Variants in ABR observed in about 807,000 individuals in gnomAD.
ABR encodes the protein active breakpoint cluster region-related protein.
ABR carries 35 observed loss-of-function variants against 107.2 expected under a neutral mutation model. The ratio of observed to expected loss-of-function variants is 0.33; its 90% CI spans 0.25 to 0.43. The LOEUF (loss-of-function observed/expected upper bound fraction) is 0.43, where lower values mean the gene tolerates loss of function less well. ABR is among the 20% of genes least tolerant of loss of function. ABR has a pLI of 1.00. For synonymous variants in ABR, 498 were observed against 462.0 expected (o/e 1.08, Z -1.00); for missense variants, 815 against 1,115.2 (o/e 0.73, Z 3.83).
upstream of ABR, among the ~76,000 whole-genome samples, chr17:1,180,504 G>A (rs932962491): frequency 3.3e-5 from 5 of 152,208 alleles, no homozygotes; most frequent in African/African-American, 1.2e-4. Context: ...ACACATGGAG[G>A]GGGGCGGGTG....
intron 2 of ABR, among the ~76,000 whole-genome samples, chr17:1,116,127 G>A (rs2038975959): frequency 6.6e-6 from 1 of 151,510 alleles, no homozygotes; most frequent in African/African-American, 2.4e-5. Flanking sequence ...GGCTGAGGCA[G>A]GAGAATCACT....
At chr17:1,066,132 G>A (rs182801689) in intron 10 of ABR, among the ~76,000 whole-genome samples, 2 of 152,138 alleles carry the variant, frequency 1.3e-5, no homozygotes, top group East Asian at 1.9e-4. Flanking sequence ...ACCATCCTCA[G>A]CCTCCCAAAG....
intron 1 of ABR, among the ~76,000 whole-genome samples, chr17:1,197,437 C>G (rs952198742): frequency 6.6e-6 from 1 of 151,536 alleles, no homozygotes; most frequent in African/African-American, 2.4e-5. Flanking sequence ...GGCTCCTGAC[C>G]GGTCATTCTG....
chr17:1,011,973 G>A lies in ABR; in HGVS notation c.1974C>T (p.Ser658=). 6.2e-7 allele frequency: 1 copy of A among 1,613,498 alleles called. No individual in the cohort carries two copies. The highest frequency in any genetic ancestry group is 8.5e-7 in the Non-Finnish European group (1 of 1,179,556). Residue 658 remains serine, a synonymous_variant, in exon 19 of 23, where the codon TCC becomes TCT. Transcript: ENST00000302538. This position sits in a 1 kb window ranked among gnomAD's most constrained non-coding sequence, Gnocchi z 4.8. The part of the protein sequence containing the change: ...KISVVTKRER[S]KVPYIVRQCV... ...ACTGCCGGACGATGTAGGGCACCTT[G>A]GAGCGCTCCCGCCTGGGGTGGAGCG...
In ABR at chr17:1,089,176, G is replaced by A. The variant is rs146512638; in HGVS notation, c.531+2489C>T. On this transcript the variant is annotated intron_variant, in intron 4 of 22. Transcript: ENST00000302538. ...CTCCCAAAGTGCTGGGATTACAGGC[G>A]TGAGCCACCACGCTCAGTCAGGCCT... Among the ~76,000 whole-genome samples, 920 of 152,120 alleles carry A rather than the reference G, an allele frequency of 6.0e-3. 8 individuals carry two copies. Among genetic ancestry groups the A allele is most frequent in the African/African-American group, 0.021 (868 of 41,492 alleles).
At chr17:1,180,218 T>TC (rs969296231), upstream of ABR, among the ~76,000 whole-genome samples, 3 of 150,364 alleles carry the variant, frequency 2.0e-5, no homozygotes, top group African/African-American at 4.9e-5. Context: ...GTCCCCCTCG[T>TC]CCCCCCCGCG....
At position 1,109,231 on chromosome 17, in the gene ABR, G is replaced by GCTCCGC. The variant is rs1436217439; in HGVS notation, c.247-8502_247-8497dup. 3 of 962,486 alleles carry GCTCCGC rather than the reference G, an allele frequency of 3.1e-6. 1 individual carries two copies. Among genetic ancestry groups the GCTCCGC allele is most frequent in the Non-Finnish European group, 4.2e-6 (3 of 720,822 alleles). The allele number at this position is 962,486 out of a possible 1,614,324, so 59.6% of individuals were successfully genotyped here. ...CTGCATCCCGGACCTAGTCCAGCCC[G>GCTCCGC]CTCCGCCGCCGCCGCCGCCGCCTCG... On this transcript the variant is annotated intron_variant, in intron 2 of 22. Coordinates refer to ENST00000302538, the MANE Select transcript of ABR (RefSeq NM_021962.5).
At chr17:1,113,282 T>TTG (rs2038810126) in intron 2 of ABR, among the ~76,000 whole-genome samples, 1 of 136,062 alleles carries the variant, frequency 7.3e-6, no homozygotes, top group Non-Finnish European at 1.6e-5. Flanking sequence ...ATTGCGATTT[T>TTG]TTTTTTTTTT....
At position 1,013,033 on chromosome 17, in the gene ABR, G is replaced by A. The variant is rs187475230; in HGVS notation, c.1851+72C>T. 1.1e-3 allele frequency: 1,694 copies of A among 1,561,034 alleles called. 13 individuals are homozygous for A. In the East Asian group the frequency reaches 0.019, roughly 17 times the overall value. ...CGGCCCCAGGAGCAGCCACAGGGCC[G>A]GGCTGCCCACCTGCTGCACAGACGT... is the stretch of plus-strand genomic sequence containing the variant. On this transcript the variant is annotated intron_variant, in intron 17 of 22. Coordinates refer to ENST00000302538, the MANE Select transcript of ABR (RefSeq NM_021962.5).
intron 5 of ABR, among the ~76,000 whole-genome samples, chr17:1,080,856 C>T (rs1043866388): frequency 6.6e-6 from 1 of 152,136 alleles, no homozygotes; most frequent in African/African-American, 2.4e-5. Context: ...ACGCCCCCTC[C>T]AGTGAAGTCT....
At chr17:1,094,195 C>T (rs1390208123) in intron 3 of ABR, among the ~76,000 whole-genome samples, 1 of 152,208 alleles carries the variant, frequency 6.6e-6, no homozygotes, top group East Asian at 1.9e-4. Context: ...TGGGGTTCCA[C>T]CTGGTGCAGG....
At chr17:1,102,003 G>C (rs1024139835) in intron 2 of ABR, among the ~76,000 whole-genome samples, 5 of 152,116 alleles carry the variant, frequency 3.3e-5, no homozygotes, top group African/African-American at 4.8e-5. Flanking sequence ...AAAGTGCTGG[G>C]ATTACAGGTG....
intron 1 of ABR, among the ~76,000 whole-genome samples, chr17:1,211,957 C>T (rs1397424747): frequency 1.3e-5 from 2 of 151,914 alleles, no homozygotes; most frequent in Non-Finnish European, 2.9e-5. Context: ...TGGCACAAGC[C>T]TGTAATCCCA....
At chr17:1,032,780 A>C (rs1375587145) in intron 16 of ABR, among the ~76,000 whole-genome samples, 1 of 152,236 alleles carries the variant, frequency 6.6e-6, no homozygotes, top group Non-Finnish European at 1.5e-5. Context: ...TACGGTATTC[A>C]GAGAAAAGAG....
chr17:1,126,175 G>C (rs758605168), intron 1 of ABR, among the ~76,000 whole-genome samples: 1 of 152,188 alleles, frequency 6.6e-6, no homozygotes, highest in Non-Finnish European at 1.5e-5. Flanking sequence ...TGCAGCGAGC[G>C]GGGTGTGCAG....
intron 16 of ABR, among the ~76,000 whole-genome samples, chr17:1,038,704 G>A (rs1165399548): frequency 6.6e-6 from 1 of 152,230 alleles, no homozygotes; most frequent in African/African-American, 2.4e-5. Flanking sequence ...GCTGCTGTGA[G>A]TCTGCGGTGG....
Position 1,194,747 on chromosome 17 carries a change from G to A in ABR, c.838+34046C>T, listed in dbSNP as rs142182855. On this transcript the variant is annotated intron_variant, in intron 1 of 22. Transcript: ENST00000574139. Reference sequence around the variant, plus strand: ...CAGCTCACTGCAACCTCCACCTCCCGGGTTCAAGCAATCCTCCTGCCTCAG... The same window carrying A: ...CAGCTCACTGCAACCTCCACCTCCCAGGTTCAAGCAATCCTCCTGCCTCAG... Among the ~76,000 whole-genome samples the A allele has an allele frequency of 6.4e-3, 789 of 124,168 alleles. 124 individuals are homozygous for A. Among genetic ancestry groups the A allele is most frequent in the African/African-American group, 0.019 (680 of 36,674 alleles). 81.5% of individuals were successfully genotyped at this position (124,168 alleles called of 152,430 possible). A position where few individuals can be genotyped will look rare whatever the true frequency, so the allele number is the denominator to read the frequency against.
chr17:1,150,178 C>T lies in ABR; in HGVS notation c.62-24811G>A, dbSNP rs915828435. ...CTTCTCAAAGCGCTGAGATTACAGA[C>T]GTGAGCCACCGCGCCCGGCCTGTGT... On this transcript the variant is annotated intron_variant, in intron 1 of 22. Coordinates refer to ENST00000302538, the MANE Select transcript of ABR (RefSeq NM_021962.5). This position sits in a 1 kb window ranked among gnomAD's most constrained non-coding sequence, Gnocchi z 4.8. Among the ~76,000 whole-genome samples, 3 of 151,970 alleles carry T rather than the reference C, an allele frequency of 2.0e-5. No individual in the cohort carries two copies. The highest frequency in any genetic ancestry group is 4.4e-5 in the Non-Finnish European group (3 of 68,012).
chr17:1,217,562 G>A (rs35470195), intron 1 of ABR, among the ~76,000 whole-genome samples: 4 of 152,022 alleles, frequency 2.6e-5, no homozygotes, highest in Admixed American at 6.6e-5. Flanking sequence ...TATTATCATC[G>A]TCCCCTAGCC....
Sources: gnomAD v4.1 joint callset for allele counts (sites outside exome capture counted in the v4.1 genomes callset) on GRCh38, gnomAD v4.1.1 for gene constraint, Gnocchi (gnomAD v3.1) non-coding constraint, MANE v1.5 for transcripts, NCBI Gene and HGNC (gene_info 2026-07-23, HGNC 2026-07-21) for gene names.